The following WIPI2 variants were observed in gnomAD, a reference collection of about 807,000 sequenced individuals.
WIPI2 encodes WD repeat domain, phosphoinositide interacting 2.
WIPI2 carries 28 observed loss-of-function variants against 52.3 expected under a neutral mutation model. The ratio of observed to expected loss-of-function variants is 0.54; its 90% CI spans 0.40 to 0.73. The LOEUF is 0.73. Among genes scored for constraint, WIPI2 ranks in the 30% least tolerant of loss-of-function variants. WIPI2 has a pLI of 0.00. For missense variants in WIPI2, 506 were observed against 602.9 expected, an observed-to-expected ratio of 0.84 and a Z score of 1.68; for synonymous variants, 268 against 245.0, an observed-to-expected ratio of 1.09 and a Z score of -0.88.
At chr7:5,211,923 A>G (rs532206591) in intron 3 of WIPI2, among the ~76,000 whole-genome samples, 110 of 152,276 alleles carry the variant, frequency 7.2e-4, no homozygotes, top group African/African-American at 2.4e-3. Context: ...CGCCCAGTAC[A>G]TGTGTTAGGA....
chr7:5,198,801 T>G (rs1015306784), intron 2 of WIPI2, among the ~76,000 whole-genome samples: 7 of 152,246 alleles, frequency 4.6e-5, no homozygotes, highest in African/African-American at 7.2e-5. Flanking sequence ...TGTGGTGTAA[T>G]TAAAATTGTA....
At position 5,222,690 on chromosome 7, in the gene WIPI2, C is replaced by T. The variant is rs564737007; in HGVS notation, c.740+18C>T. On this transcript the variant is annotated intron_variant, in intron 8 of 12. Coordinates refer to ENST00000288828, the MANE Select transcript of WIPI2 (RefSeq NM_015610.4). The stretch of plus-strand genomic sequence containing the variant: ...GTAAAGAGGTAAAGTACGTGAATGT[C>T]CAGAATGGATTCTGGAGGTTGTATT... The T allele has an allele frequency of 2.6e-5, 41 of 1,607,704 alleles. 1 individual carries two copies. The South Asian group carries it at 4.4e-4, about 17-fold the overall frequency.
At chr7:5,204,022 G>T (rs1477145475) in intron 3 of WIPI2, among the ~76,000 whole-genome samples, 1 of 152,158 alleles carries the variant, frequency 6.6e-6, no homozygotes, top group Non-Finnish European at 1.5e-5. Flanking sequence ...TGGTTTCTTT[G>T]CTTTCTTTTG....
intron 7 of WIPI2, among the ~76,000 whole-genome samples, chr7:5,220,568 G>A (rs1783068801): frequency 6.6e-6 from 1 of 151,984 alleles, no homozygotes; most frequent in South Asian, 2.1e-4. Flanking sequence ...CACAGAGATA[G>A]TGCAGTGGCA....
intron 2 of WIPI2, among the ~76,000 whole-genome samples, chr7:5,195,723 T>C (rs1781715653): frequency 6.6e-6 from 1 of 152,138 alleles, no homozygotes; most frequent in South Asian, 2.1e-4. Flanking sequence ...ATCAATCATA[T>C]TTATATTTAA....
chr7:5,190,782 T>C, intron 1 of WIPI2: 1 of 287,068 alleles, frequency 3.5e-6, no homozygotes, highest in Non-Finnish European at 6.4e-6. Flanking sequence ...CTTAACTACT[T>C]CTCGCAAAGT....
In WIPI2 at chr7:5,231,597, C is replaced by G. The variant is rs757968642; in HGVS notation, c.*650C>G. Reference sequence around the variant, plus strand: ...TTTCCCTGTGGATATTGGAGGACAGCGAGGTTCTTTCTGATACTAAAAACC... The same window carrying G: ...TTTCCCTGTGGATATTGGAGGACAGGGAGGTTCTTTCTGATACTAAAAACC... On this transcript the variant is annotated 3_prime_UTR_variant, in exon 13 of 13. Transcript: ENST00000288828. The G allele has an allele frequency of 6.6e-6, 1 of 152,246 alleles. No individual in the cohort carries two copies. The highest frequency in any genetic ancestry group is 1.5e-5 in the Non-Finnish European group (1 of 68,100). 9.4% of individuals were successfully genotyped at this position (152,246 alleles called of 1,614,324 possible). A position where few individuals can be genotyped will look rare whatever the true frequency, so the allele number is the denominator to read the frequency against.
chr7:5,217,065 C>G (rs369131787), intron 5 of WIPI2, 25 bp from the exon 6 acceptor site: 47 of 1,594,054 alleles, frequency 2.9e-5, no homozygotes, highest in Non-Finnish European at 4.3e-6. Context: ...AAGTTTGCAT[C>G]TCGTCCTCCG....
intron 1 of WIPI2, among the ~76,000 whole-genome samples, chr7:5,192,755 GGA>G (rs1349784045): frequency 6.6e-6 from 1 of 152,164 alleles, no homozygotes; most frequent in African/African-American, 2.4e-5. Context: ...AGAAGTTCCC[GGA>G]GAGAGCTTTT....
intron 4 of WIPI2, among the ~76,000 whole-genome samples, chr7:5,215,662 CT>C (rs1782777469): frequency 1.3e-5 from 2 of 152,250 alleles, no homozygotes; most frequent in Non-Finnish European, 2.9e-5. Flanking sequence ...TAGAGACGTT[CT>C]TGCCTTACGC....
At chr7:5,191,257 A>G (rs1050481598) in intron 1 of WIPI2, among the ~76,000 whole-genome samples, 2 of 152,070 alleles carry the variant, frequency 1.3e-5, no homozygotes, top group African/African-American at 2.4e-5. Context: ...CCTGACCTCA[A>G]GTGATCCGCC....
In WIPI2 at chr7:5,193,184, C is replaced by G. The variant is rs1296523532; in HGVS notation, c.128+13C>G. On this transcript the variant is annotated intron_variant, in intron 2 of 12. Coordinates refer to ENST00000288828, the MANE Select transcript of WIPI2 (RefSeq NM_015610.4). ...GCGCTGTTGTCTGGTTAGTTCCAAC[C>G]CTGGTTTCTGAAAGTATCACCTTGG... The G allele has an allele frequency of 6.2e-7, 1 of 1,612,298 alleles. No individual in the cohort carries two copies. Among genetic ancestry groups the G allele is most frequent in the African/African-American group, 1.3e-5 (1 of 74,848 alleles).
chr7:5,216,572 G>T lies in WIPI2; in HGVS notation c.391G>T (p.Val131Leu). Residue 131 changes from valine (V) to leucine (L), a missense_variant, in exon 5 of 13, where the codon GTA becomes TTA. Coordinates refer to ENST00000288828, the MANE Select transcript of WIPI2 (RefSeq NM_015610.4). Reference protein sequence around the residue: ...AVKLNRQRLIVCLEESLYIHN... With the variant: ...AVKLNRQRLILCLEESLYIHN... ...TTTGTCTCTCGCCTAGAGGCTGATA[G>T]TATGCCTGGAGGAGTCCCTGTACAT... 1 of 1,614,176 alleles carries T rather than the reference G, an allele frequency of 6.2e-7. No homozygotes were observed. Among genetic ancestry groups the T allele is most frequent in the Non-Finnish European group, 8.5e-7 (1 of 1,180,018 alleles).
In WIPI2 at chr7:5,210,921, G is replaced by A. The variant is rs192659425; in HGVS notation, c.212-3614G>A. The stretch of plus-strand genomic sequence containing the variant: ...TTCACTAACATTGAACTCGCGGCTC[G>A]CATAGAACTCAGCCCACACATGTGC... On this transcript the variant is annotated intron_variant, in intron 3 of 12. Transcript: ENST00000288828. Among the ~76,000 whole-genome samples the A allele has an allele frequency of 4.3e-3, 645 of 151,758 alleles. 13 individuals carry two copies. The highest frequency in any genetic ancestry group is 3.1e-3 in the South Asian group (15 of 4,826).
chr7:5,216,583 G>A lies in WIPI2; in HGVS notation c.402G>A (p.Glu134=), dbSNP rs1322209949. 1 of 1,614,086 alleles carries A rather than the reference G, an allele frequency of 6.2e-7. No individual in the cohort carries two copies. Among genetic ancestry groups the A allele is most frequent in the East Asian group, 2.2e-5 (1 of 44,898 alleles). The change falls in exon 5 of 13, where the codon GAG becomes GAA. Residue 134 remains glutamate (E), a synonymous_variant. Coordinates refer to ENST00000288828, the MANE Select transcript of WIPI2 (RefSeq NM_015610.4). ...CCTAGAGGCTGATAGTATGCCTGGA[G>A]GAGTCCCTGTACATCCACAACATTC... The part of the protein sequence containing the change: ...LNRQRLIVCL[E]ESLYIHNIRD...
rs552170069 is a variant in WIPI2 at position 5,194,358 on chromosome 7, T to G, written c.128+1187T>G. 2.0e-4 allele frequency among the ~76,000 whole-genome samples: 30 copies of G among 152,320 alleles called. No homozygotes were observed. The East Asian group carries it at 4.6e-3, about 23-fold the overall frequency. On this transcript the variant is annotated intron_variant, in intron 2 of 12. Transcript: ENST00000288828. ...GCCTAAGCACGCAATCAAGTATGGC[T>G]TCTCCGCAAAGATGATGAAGAAGGA...
chr7:5,197,818 T>C (rs2115209012), intron 2 of WIPI2, among the ~76,000 whole-genome samples: 1 of 152,348 alleles, frequency 6.6e-6, no homozygotes, highest in South Asian at 2.1e-4. Context: ...CTCATTTTCA[T>C]GTTCTCCCAG....
rs545238009 is a variant in WIPI2, at chr7:5,229,180, T to G, written c.1122-428T>G. Among the ~76,000 whole-genome samples, 5 of 152,302 alleles carry G rather than the reference T, an allele frequency of 3.3e-5. No homozygotes were observed. In the South Asian group the frequency reaches 1.0e-3, roughly 32 times the overall value. On this transcript the variant is annotated intron_variant, in intron 11 of 12. Coordinates refer to ENST00000288828, the MANE Select transcript of WIPI2 (RefSeq NM_015610.4). ...ACAGGTGCATGCCACCATGCCCTGC[T>G]AATTTTTTGTATTTTTAGTAGAGAC...
chr7:5,196,342 C>A (rs1781743323), intron 2 of WIPI2, among the ~76,000 whole-genome samples: 1 of 151,936 alleles, frequency 6.6e-6, no homozygotes, highest in Non-Finnish European at 1.5e-5. Flanking sequence ...GAGCAAAACT[C>A]CATCTAAAAA....
Sources: allele counts gnomAD v4.1 joint callset (sites outside exome capture counted in the v4.1 genomes callset), GRCh38; gene constraint gnomAD v4.1.1; transcripts MANE v1.5; gene names NCBI Gene and HGNC (gene_info 2026-07-23, HGNC 2026-07-21).